Variants in PCDH11Y observed in about 807,000 individuals in gnomAD.
The protein encoded by PCDH11Y is protocadherin-11 Y-linked.
For synonymous variants in PCDH11Y, 9 were observed against 83.6 expected (o/e 0.11, Z 4.87); for missense variants, 12 against 224.8 (o/e 0.05, Z 6.05).
intron 3 of PCDH11Y, among the ~76,000 whole-genome samples, chrY:5,529,419 A>G: frequency 3.1e-5 from 1 of 32,629 alleles, no homozygotes; most frequent in Non-Finnish European, 7.6e-5. Flanking sequence ...TTGATAGAAC[A>G]ATAGGGTGAC....
intron 2 of PCDH11Y, among the ~76,000 whole-genome samples, chrY:5,472,410 G>A (rs2053314849): frequency 3.2e-5 from 1 of 31,534 alleles, no homozygotes; most frequent in Non-Finnish European, 7.8e-5. Context: ...TCTTAAAATG[G>A]CCTGTGTTGG....
At chrY:5,324,986 G>T (rs1602904427) in intron 2 of PCDH11Y, among the ~76,000 whole-genome samples, 1 of 31,649 alleles carries the variant, frequency 3.2e-5, no homozygotes, top group Non-Finnish European at 7.6e-5. Context: ...CAGGAGTGGG[G>T]GTTGCGAGGT....
At chrY:5,194,515 G>T (rs2052916581) in intron 2 of PCDH11Y, among the ~76,000 whole-genome samples, 1 of 31,029 alleles carries the variant, frequency 3.2e-5, no homozygotes, top group Non-Finnish European at 7.7e-5. Context: ...GGAGAGTGCG[G>T]CCTAGAATCC....
chrY:5,544,198 A>G, intron 3 of PCDH11Y, among the ~76,000 whole-genome samples: 1 of 32,839 alleles, frequency 3.0e-5, no homozygotes, highest in African/African-American at 1.2e-4. Flanking sequence ...GATGAAATGT[A>G]AAAGAAAGCT....
At chrY:5,288,862 A>G in intron 2 of PCDH11Y, among the ~76,000 whole-genome samples, 1 of 30,445 alleles carries the variant, frequency 3.3e-5, no homozygotes, top group South Asian at 7.6e-4. Context: ...CCATGCACAC[A>G]TTTGCATTGG....
At chrY:5,342,671 C>G in intron 2 of PCDH11Y, among the ~76,000 whole-genome samples, 1 of 33,168 alleles carries the variant, frequency 3.0e-5, no homozygotes, top group South Asian at 6.7e-4. Flanking sequence ...CCACAGATTA[C>G]TTCTGCTATA....
chrY:5,736,444 C>T, intron 4 of PCDH11Y, among the ~76,000 whole-genome samples: 1 of 32,913 alleles, frequency 3.0e-5, no homozygotes, highest in Admixed American at 2.8e-4. Context: ...AGGATTGATA[C>T]GTCTTCTTAG....
intron 3 of PCDH11Y, among the ~76,000 whole-genome samples, chrY:5,530,533 C>T (rs2053392009): frequency 1.5e-4 from 5 of 32,444 alleles, no homozygotes; most frequent in Admixed American, 5.7e-4. Context: ...TTTTTATAAA[C>T]GCAGTCAGTA....
intron 4 of PCDH11Y, among the ~76,000 whole-genome samples, chrY:5,719,951 A>G (rs2053593251): frequency 2.9e-5 from 1 of 34,310 alleles, no homozygotes; most frequent in African/African-American, 1.1e-4. Context: ...GATGTGAAAC[A>G]TGCAGTCAAA....
intron 2 of PCDH11Y, among the ~76,000 whole-genome samples, chrY:5,242,161 T>A (rs2124655614): frequency 3.7e-5 from 1 of 26,839 alleles, no homozygotes; most frequent in South Asian, 9.0e-4. Flanking sequence ...GGCTGAGACA[T>A]GAGAATGGCT....
At chrY:5,619,033 A>C in intron 4 of PCDH11Y, among the ~76,000 whole-genome samples, 1 of 28,006 alleles carries the variant, frequency 3.6e-5, no homozygotes, top group Non-Finnish European at 8.9e-5. Flanking sequence ...TGAATGAAAG[A>C]AAGAAAGAAG....
At chrY:5,068,603 T>G in intron 1 of PCDH11Y, among the ~76,000 whole-genome samples, 7 of 29,085 alleles carry the variant, frequency 2.4e-4, no homozygotes, top group Non-Finnish European at 2.4e-4. Context: ...GGTCTCACAG[T>G]GTTACCCAGG....
At chrY:5,633,590 A>G (rs2124703938) in intron 4 of PCDH11Y, among the ~76,000 whole-genome samples, 14 of 31,777 alleles carry the variant, frequency 4.4e-4, no homozygotes, top group African/African-American at 1.7e-3. Flanking sequence ...AACAGTTTGA[A>G]GTGATCAAAA....
At chrY:5,490,871 T>C (rs2124686901) in intron 2 of PCDH11Y, among the ~76,000 whole-genome samples, 1 of 34,101 alleles carries the variant, frequency 2.9e-5, no homozygotes, top group Admixed American at 2.6e-4. Flanking sequence ...CACTCCAATT[T>C]TGGAGCAAAG....
intron 2 of PCDH11Y, among the ~76,000 whole-genome samples, chrY:5,266,302 T>G: frequency 3.0e-5 from 1 of 33,187 alleles, no homozygotes; most frequent in Non-Finnish European, 7.4e-5. Flanking sequence ...TTTGGGAGGC[T>G]GAGGTGGGCA....
chrY:5,002,706 C>G (rs2124616970), intron 1 of PCDH11Y: 1 of 33,759 alleles, frequency 3.0e-5, no homozygotes, highest in South Asian at 6.7e-4. Flanking sequence ...AGAGAGAGCG[C>G]GGACCGTGTG....
intron 3 of PCDH11Y, among the ~76,000 whole-genome samples, chrY:5,511,746 G>T (rs2053365359): frequency 3.3e-5 from 1 of 29,962 alleles, no homozygotes; most frequent in Non-Finnish European, 8.1e-5. Context: ...TTTGCAGAAA[G>T]AAAAAAAAAA....
At chrY:5,357,160 G>C in intron 2 of PCDH11Y, among the ~76,000 whole-genome samples, 1 of 26,671 alleles carries the variant, frequency 3.7e-5, no homozygotes, top group Non-Finnish European at 8.6e-5. Context: ...CTGCACTCCA[G>C]CCTGGGCGAC....
At chrY:5,604,238 A>C in intron 4 of PCDH11Y, among the ~76,000 whole-genome samples, 1 of 33,017 alleles carries the variant, frequency 3.0e-5, no homozygotes, top group Non-Finnish European at 7.5e-5. Context: ...TAACTTTCAA[A>C]AGGAAGAAAG....
Sources: allele counts gnomAD v4.1 joint callset (sites outside exome capture counted in the v4.1 genomes callset), GRCh38; gene constraint gnomAD v4.1.1; transcripts MANE v1.5; gene names NCBI Gene and HGNC (gene_info 2026-07-23, HGNC 2026-07-21).